ETV1: variants seen among roughly 807,000 people sequenced by gnomAD.
The protein encoded by ETV1 is ETS translocation variant 1.
A neutral mutation model predicts 62.3 loss-of-function variants in ETV1; 27 were observed. That is an observed-to-expected ratio of 0.43 (90% confidence interval 0.32 to 0.60). ETV1 has a LOEUF of 0.60. Among genes scored for constraint, ETV1 ranks in the 20% least tolerant of loss-of-function variants. The pLI, the probability that ETV1 is intolerant of heterozygous loss-of-function variation, is 0.06. For synonymous variants in ETV1, 222 were observed against 199.6 expected, an observed-to-expected ratio of 1.11 and a Z score of -0.94; for missense variants, 605 against 605.8, an observed-to-expected ratio of 1.00 and a Z score of 0.01.
chr7:13,978,153 C>T (rs542516286), intron 5 of ETV1, among the ~76,000 whole-genome samples: 4 of 152,186 alleles, frequency 2.6e-5, no homozygotes, highest in South Asian at 4.1e-4. Context: ...ATTTTCCTGG[C>T]AACTACTAGG....
chr7:13,932,037 TACACACCC>T (rs1286683428), intron 8 of ETV1, among the ~76,000 whole-genome samples: 3 of 113,518 alleles, frequency 2.6e-5, no homozygotes, highest in African/African-American at 1.2e-4. Context: ...TTGAGGATTT[TACACACCC>T]ACACACACAC....
intron 7 of ETV1, among the ~76,000 whole-genome samples, chr7:13,937,874 G>A (rs895533557): frequency 6.6e-6 from 1 of 152,154 alleles, no homozygotes; most frequent in African/African-American, 2.4e-5. Flanking sequence ...AAATATAAAA[G>A]ACAAGTTTGC....
intron 6 of ETV1, among the ~76,000 whole-genome samples, chr7:13,951,218 C>A (rs1321999263): frequency 6.6e-6 from 1 of 152,098 alleles, no homozygotes; most frequent in Non-Finnish European, 1.5e-5. Flanking sequence ...ACATACACAT[C>A]ATCTCTAATT....
intron 6 of ETV1, among the ~76,000 whole-genome samples, chr7:13,952,521 C>T (rs1228420637): frequency 1.3e-5 from 2 of 152,054 alleles, no homozygotes; most frequent in East Asian, 1.9e-4. Context: ...CATGAAAAAG[C>T]AAAATTGGGT....
At chr7:13,983,331 T>G (rs192778816) in intron 5 of ETV1, among the ~76,000 whole-genome samples, 2 of 152,124 alleles carry the variant, frequency 1.3e-5, no homozygotes, top group East Asian at 3.9e-4. Context: ...AGAAGCAAAT[T>G]TGGAAGAATA....
At position 13,924,798 on chromosome 7, in the gene ETV1, G is replaced by A. The variant is rs1485671790; in HGVS notation, c.802+6704C>T. ...TTGGATGAACCTCAGATATTTATCT[G>A]TAAAATTTGGGTGTGGAGAAGTTTG... is the stretch of plus-strand genomic sequence containing the variant. On this transcript the variant is annotated intron_variant, in intron 9 of 13. Transcript: ENST00000430479. Among the ~76,000 whole-genome samples, 3 of 152,312 alleles carry A rather than the reference G, an allele frequency of 2.0e-5. No homozygotes were observed. The East Asian group carries it at 5.8e-4, about 29-fold the overall frequency.
chr7:13,981,959 T>G (rs1468520958), intron 5 of ETV1, among the ~76,000 whole-genome samples: 2 of 152,110 alleles, frequency 1.3e-5, no homozygotes, highest in Non-Finnish European at 2.9e-5. Flanking sequence ...CACATCCACT[T>G]TTAACATTAA....
intron 9 of ETV1, among the ~76,000 whole-genome samples, chr7:13,926,802 C>T (rs561711634): frequency 6.6e-6 from 1 of 152,008 alleles, no homozygotes; most frequent in African/African-American, 2.4e-5. Context: ...ATTAAGCTAG[C>T]CCTAAATATC....
intron 10 of ETV1, chr7:13,910,587 G>A (rs1184298893): frequency 3.8e-6 from 1 of 264,948 alleles, no homozygotes; most frequent in Non-Finnish European, 5.8e-6. Context: ...ATGCATCCAA[G>A]TCAATCCTAT....
At chr7:13,904,752 A>G (rs1355861265) in intron 12 of ETV1, among the ~76,000 whole-genome samples, 3 of 151,940 alleles carry the variant, frequency 2.0e-5, no homozygotes, top group African/African-American at 7.3e-5. Context: ...AACATCTTCC[A>G]TGAGGTGAAG....
chr7:13,983,860 G>A (rs1248880155), intron 5 of ETV1, among the ~76,000 whole-genome samples: 2 of 151,618 alleles, frequency 1.3e-5, no homozygotes, highest in African/African-American at 4.8e-5. Flanking sequence ...GGACTTTACT[G>A]AACTGAAAAT....
chr7:13,963,337 T>A (rs531268040), intron 6 of ETV1, among the ~76,000 whole-genome samples: 20 of 152,230 alleles, frequency 1.3e-4, no homozygotes, highest in Middle Eastern at 3.4e-3. Flanking sequence ...CAGGACAAGC[T>A]GCATGTTACC....
chr7:13,970,789 A>G (rs989526524), intron 6 of ETV1, among the ~76,000 whole-genome samples: 2 of 152,074 alleles, frequency 1.3e-5, no homozygotes, highest in African/African-American at 4.8e-5. Flanking sequence ...ACAAACCACA[A>G]ATGGAATTTT....
chr7:13,927,818 GA>G (rs1209422703), intron 9 of ETV1, among the ~76,000 whole-genome samples: 8 of 152,092 alleles, frequency 5.3e-5, no homozygotes, highest in African/African-American at 1.9e-4. Flanking sequence ...AATCCTGTCA[GA>G]AAGATACAAT....
intron 11 of ETV1, 104 bp from the exon 12 acceptor site, chr7:13,906,703 A>C: frequency 1.4e-6 from 1 of 719,890 alleles, no homozygotes; most frequent in East Asian, 3.0e-5. Flanking sequence ...ACAATCAACC[A>C]CTTTATGGGC....
chr7:13,986,611 C>CGAA (rs1782575004), intron 5 of ETV1, 27 bp downstream of exon 5: 1 of 1,610,068 alleles, frequency 6.2e-7, no homozygotes, highest in African/African-American at 1.3e-5. Context: ...GTTGCTTTCC[C>CGAA]CCCTTTTAAA....
Position 13,981,532 on chromosome 7 carries a change from C to CATAT in ETV1, c.182-4056_182-4053dup, listed in dbSNP as rs536635563. The stretch of plus-strand genomic sequence containing the variant: ...ACATACATACATACATACATACATA[C>CATAT]ATATATATATATACACACACACAAA... On this transcript the variant is annotated intron_variant, in intron 5 of 13. Coordinates refer to ENST00000430479, the MANE Select transcript of ETV1 (RefSeq NM_004956.5). Among the ~76,000 whole-genome samples, 7 of 59,092 alleles carry CATAT rather than the reference C, an allele frequency of 1.2e-4. No homozygotes were observed. The East Asian group carries it at 2.1e-3, about 17-fold the overall frequency. 38.8% of individuals were successfully genotyped at this position (59,092 alleles called of 152,430 possible).
In ETV1 at chr7:13,894,759, G is replaced by A. The variant is rs1163357901; in HGVS notation, c.*1107C>T. ...GAATATTACAGAAAAGACAGCAGCA[G>A]AAGCATTAGCATTATCTAATATTTA... On this transcript the variant is annotated 3_prime_UTR_variant, in exon 14 of 14. Coordinates refer to ENST00000430479, the MANE Select transcript of ETV1 (RefSeq NM_004956.5). The A allele has an allele frequency of 4.3e-6, 1 of 232,486 alleles. No individual in the cohort carries two copies. Among genetic ancestry groups the A allele is most frequent in the East Asian group, 6.1e-5 (1 of 16,342 alleles). The allele number at this position is 232,486 out of a possible 1,614,324, so 14.4% of individuals were successfully genotyped here. A position where few individuals can be genotyped will look rare whatever the true frequency, so the allele number is the denominator to read the frequency against.
At chr7:13,977,898 T>C (rs1781610804) in intron 5 of ETV1, among the ~76,000 whole-genome samples, 1 of 152,160 alleles carries the variant, frequency 6.6e-6, no homozygotes, top group Non-Finnish European at 1.5e-5. Context: ...TTAAGTGATG[T>C]GCAGTTATCA....
Sources: gnomAD v4.1 joint callset for allele counts (sites outside exome capture counted in the v4.1 genomes callset) on GRCh38, gnomAD v4.1.1 for gene constraint, MANE v1.5 for transcripts, NCBI Gene and HGNC (gene_info 2026-07-23, HGNC 2026-07-21) for gene names.